SLC23A2: variants seen among roughly 807,000 people sequenced by gnomAD.
SLC23A2 encodes Na(+)/L-ascorbic acid transporter 2.
A neutral mutation model predicts 73.3 loss-of-function variants in SLC23A2; 36 were observed. The observed-to-expected ratio is 0.49, with a 90% confidence interval of 0.38 to 0.65. The LOEUF is 0.65. SLC23A2 is among the 30% of genes least tolerant of loss of function. The pLI is 0.00. For synonymous variants in SLC23A2, 343 were observed against 327.3 expected, an observed-to-expected ratio of 1.05 and a Z score of -0.52; for missense variants, 507 against 841.6, an observed-to-expected ratio of 0.60 and a Z score of 4.92.
At chr20:4,904,151 T>C (rs1231468807) in intron 4 of SLC23A2, among the ~76,000 whole-genome samples, 1 of 152,180 alleles carries the variant, frequency 6.6e-6, no homozygotes, top group Non-Finnish European at 1.5e-5. Flanking sequence ...TTTTTTTACC[T>C]GAAACTTGGC....
At chr20:4,950,930 C>T (rs1053487870) in intron 2 of SLC23A2, among the ~76,000 whole-genome samples, 6 of 152,174 alleles carry the variant, frequency 3.9e-5, no homozygotes, top group African/African-American at 1.4e-4. Context: ...GATGACACCA[C>T]CTGACCAGAA....
At chr20:4,905,392 C>T (rs928202261) in intron 4 of SLC23A2, among the ~76,000 whole-genome samples, 6 of 152,174 alleles carry the variant, frequency 3.9e-5, no homozygotes, top group Non-Finnish European at 8.8e-5. Context: ...GTGCACTCTA[C>T]GCACTGTGGC....
Position 4,938,797 on chromosome 20 carries a change from C to A in SLC23A2, c.-154-6081G>T, listed in dbSNP as rs563150602. Among the ~76,000 whole-genome samples the A allele has an allele frequency of 5.9e-5, 9 of 152,310 alleles. 1 individual carries two copies. Among genetic ancestry groups the A allele is most frequent in the African/African-American group, 2.2e-4 (9 of 41,572 alleles). ...GGCCCCCTTTCCCAGTCCCTCATGG[C>A]CCCTACTGTGGTTACTCACAGGCCT... On this transcript the variant is annotated intron_variant, in intron 2 of 16. Coordinates refer to ENST00000338244, the MANE Select transcript of SLC23A2 (RefSeq NM_005116.6).
chr20:4,997,788 G>A (rs1260807328), intron 1 of SLC23A2, among the ~76,000 whole-genome samples: 6 of 125,774 alleles, frequency 4.8e-5, no homozygotes, highest in Admixed American at 3.4e-4. Flanking sequence ...CACGTCCAGC[G>A]AATTTTTTAT....
At chr20:5,000,979 A>G (rs2088111135) in intron 1 of SLC23A2, among the ~76,000 whole-genome samples, 1 of 151,882 alleles carries the variant, frequency 6.6e-6, no homozygotes, top group Non-Finnish European at 1.5e-5. Flanking sequence ...CGTGCGCACC[A>G]CCGGGGGAGG....
chr20:4,865,307 C>T (rs144830778), intron 13 of SLC23A2, among the ~76,000 whole-genome samples: 2,819 of 152,236 alleles, frequency 0.019, 43 homozygotes, highest in South Asian at 0.038. Context: ...TTGCTCTGTT[C>T]CTAGAAATAA....
intron 1 of SLC23A2, among the ~76,000 whole-genome samples, chr20:5,009,776 A>G (rs916142425): frequency 3.9e-5 from 6 of 152,138 alleles, no homozygotes; most frequent in African/African-American, 1.4e-4. Context: ...GAGAAACAGA[A>G]CCAACAGGAT....
chr20:5,006,485 G>A (rs576720092), upstream of SLC23A2, among the ~76,000 whole-genome samples: 100 of 152,104 alleles, frequency 6.6e-4, no homozygotes, highest in South Asian at 9.4e-3. Flanking sequence ...TTGCTTACTT[G>A]GGGTTCAAAG....
chr20:4,895,762 C>T (rs974554483), intron 6 of SLC23A2, among the ~76,000 whole-genome samples: 3 of 152,280 alleles, frequency 2.0e-5, no homozygotes, highest in Middle Eastern at 3.4e-3. Flanking sequence ...AATGGCCATG[C>T]GTCCAGCTCT....
intron 9 of SLC23A2, among the ~76,000 whole-genome samples, chr20:4,881,383 G>A (rs1038243332): frequency 5.9e-5 from 9 of 152,192 alleles, no homozygotes; most frequent in African/African-American, 2.2e-4. Flanking sequence ...AGGATCAAGT[G>A]TGGAGGCACC....
chr20:5,008,178 G>A (rs987569387), intron 1 of SLC23A2, among the ~76,000 whole-genome samples: 3 of 152,118 alleles, frequency 2.0e-5, no homozygotes, highest in African/African-American at 7.2e-5. Context: ...CCAAAGTGCT[G>A]GGATTACAGG....
rs938988629 is a variant in SLC23A2 at position 4,855,615 on chromosome 20, C to T, written c.*1357G>A. 5.2e-5 allele frequency: 8 copies of T among 152,628 alleles called. No individual in the cohort carries two copies. Among genetic ancestry groups the T allele is most frequent in the Admixed American group, 2.6e-4 (4 of 15,286 alleles). 9.5% of individuals were successfully genotyped at this position (152,628 alleles called of 1,614,324 possible). A position where few individuals can be genotyped will look rare whatever the true frequency, so the allele number is the denominator to read the frequency against. ...ACCTGTAAAATCAAGATCTAACGGA[C>T]GTGCGACATGGCAACCCACAGGAAG... On this transcript the variant is annotated 3_prime_UTR_variant, in exon 17 of 17. Coordinates refer to ENST00000338244, the MANE Select transcript of SLC23A2 (RefSeq NM_005116.6).
chr20:4,989,646 A>G (rs1328796014), intron 1 of SLC23A2, among the ~76,000 whole-genome samples: 1 of 152,028 alleles, frequency 6.6e-6, no homozygotes, highest in Non-Finnish European at 1.5e-5. Flanking sequence ...ACTATACTTC[A>G]GCCTGAGTGA....
intron 9 of SLC23A2, among the ~76,000 whole-genome samples, chr20:4,875,267 G>T (rs561083977): frequency 6.6e-6 from 1 of 152,308 alleles, no homozygotes; most frequent in South Asian, 2.1e-4. Flanking sequence ...CAAAAAGTAA[G>T]CTTCACTGCT....
At position 4,991,720 on chromosome 20, in the gene SLC23A2, TCACACACACACACACACA is replaced by T. The variant is rs11471369; in HGVS notation, c.-282+9668_-282+9685del. ...CTGGGTGACAGAGAGAGACTCCGTT[TCACACACACACACACACA>T]CACACACACACACACACACACACAC... On this transcript the variant is annotated intron_variant, in intron 1 of 16. Transcript: ENST00000338244. 3.1e-4 allele frequency among the ~76,000 whole-genome samples: 43 copies of T among 139,426 alleles called. 1 individual carries two copies. In the South Asian group the frequency reaches 6.0e-3, roughly 19 times the overall value. The allele number at this position is 139,426 out of a possible 152,430, so 91.5% of individuals were successfully genotyped here. A position where few individuals can be genotyped will look rare whatever the true frequency, so the allele number is the denominator to read the frequency against.
At chr20:4,959,912 T>C (rs1192459861) in intron 2 of SLC23A2, among the ~76,000 whole-genome samples, 3 of 151,986 alleles carry the variant, frequency 2.0e-5, no homozygotes, top group South Asian at 2.1e-4. Context: ...GCCTCATAAG[T>C]AGAGAGAACT....
chr20:5,007,695 C>G (rs993550404), intron 1 of SLC23A2, among the ~76,000 whole-genome samples: 1 of 151,960 alleles, frequency 6.6e-6, no homozygotes, highest in Non-Finnish European at 1.5e-5. Flanking sequence ...TCCTCTTCCC[C>G]CAGCCCCGGC....
chr20:5,000,830 G>A (rs575472730), intron 1 of SLC23A2, among the ~76,000 whole-genome samples: 1 of 152,346 alleles, frequency 6.6e-6, no homozygotes, highest in Non-Finnish European at 1.5e-5. Context: ...GAACAGGCCA[G>A]AAAGGCCCCG....
At chr20:4,978,968 C>T (rs2122256242) in intron 1 of SLC23A2, among the ~76,000 whole-genome samples, 1 of 152,240 alleles carries the variant, frequency 6.6e-6, no homozygotes, top group African/African-American at 2.4e-5. Flanking sequence ...TTTAATACTA[C>T]TAGAGCAAAA....
Sources: allele counts gnomAD v4.1 joint callset (sites outside exome capture counted in the v4.1 genomes callset), GRCh38; gene constraint gnomAD v4.1.1; transcripts MANE v1.5; gene names NCBI Gene and HGNC (gene_info 2026-07-23, HGNC 2026-07-21).